SLX4: variants seen among roughly 807,000 people sequenced by gnomAD.
The protein encoded by SLX4 is SLX4 structure-specific endonuclease subunit.
SLX4 carries 112 observed loss-of-function variants against 146.2 expected under a neutral mutation model. The observed-to-expected ratio is 0.77, with a 90% CI of 0.66 to 0.90. The LOEUF is 0.90. Ranked by LOEUF, SLX4 falls within the 40% of genes least tolerant of loss-of-function variation. The pLI is 0.00. For synonymous variants in SLX4, 1,061 were observed against 997.7 expected, an observed-to-expected ratio of 1.06 and a Z score of -1.20; for missense variants, 2,563 against 2,392.7, an observed-to-expected ratio of 1.07 and a Z score of -1.49.
intron 3 of SLX4, among the ~76,000 whole-genome samples, chr16:3,605,468 C>A (rs2040771935): frequency 1.3e-5 from 2 of 152,076 alleles, no homozygotes; most frequent in African/African-American, 4.8e-5. Context: ...AGTAGTCCTC[C>A]TGCCTTGGCC....
Position 3,589,297 on chromosome 16 carries a change from G to A in SLX4, c.4341C>T (p.Gly1447=), listed in dbSNP as rs1252866739. Residue 1447 remains glycine (G), a synonymous_variant, in exon 12 of 15, where the codon GGC becomes GGT. Coordinates refer to ENST00000294008, the MANE Select transcript of SLX4 (RefSeq NM_032444.4). This position sits in a 1 kb window ranked among gnomAD's most constrained non-coding sequence, Gnocchi z 6.2. Reference sequence around the variant, plus strand: ...GGCTGGGGCTGCTGGTGCTCAGGGGGCCGGTCCGCTCCAGGTTCCAGTGGT... The same window carrying A: ...GGCTGGGGCTGCTGGTGCTCAGGGGACCGGTCCGCTCCAGGTTCCAGTGGT... ...PIDHWNLERT[G]PLSTSSPSRR... is the part of the protein sequence containing the mutation. The A allele has an allele frequency of 6.3e-7, 1 of 1,586,580 alleles. No homozygotes were observed. Among genetic ancestry groups the A allele is most frequent in the East Asian group, 2.2e-5 (1 of 44,604 alleles).
chr16:3,589,112 G>A lies in SLX4; in HGVS notation c.4526C>T (p.Ala1509Val). ...TTCCCCGTCCCAAACGTCCCACAGA[G>A]CCGAATTCAGAAAGCTCGGCCTGCT... Reference protein sequence around the residue: ...GNSRPSFLNSALWDVWDGEEQ... With the variant: ...GNSRPSFLNSVLWDVWDGEEQ... The change falls in exon 12 of 15, where the codon GCT (alanine) becomes GTT (valine). Residue 1509 changes from alanine to valine, a missense_variant. Physicochemically the swap from Ala to Val is moderately conservative, Grantham distance 64 (BLOSUM62 0). Transcript: ENST00000294008. The surrounding 1 kb of genome is among the most constrained non-coding windows in gnomAD (Gnocchi z 6.2). 3 of 1,614,146 alleles carry A rather than the reference G, an allele frequency of 1.9e-6. No homozygotes were observed. The highest frequency in any genetic ancestry group is 1.7e-6 in the Non-Finnish European group (2 of 1,180,042).
Position 3,582,400 on chromosome 16 carries a change from T to TCCCTG in SLX4, c.5442_5446dup (p.Glu1816AlafsTer69). 6.2e-7 allele frequency: 1 copy of TCCCTG among 1,613,896 alleles called. No homozygotes were observed. The highest frequency in any genetic ancestry group is 8.5e-7 in the Non-Finnish European group (1 of 1,180,034). ...CTGCCGCCTCCTGCCCTGGAGCTTC[T>TCCCTG]CCCTGCGGGTGGCGGCAGTGGTGAA... On this transcript the variant is annotated frameshift_variant, in exon 15 of 15. Transcript: ENST00000294008. LOFTEE classifies it low-confidence loss of function (END_TRUNC).
chr16:3,590,105 T>G lies in SLX4; in HGVS notation c.3533A>C (p.Glu1178Ala). The change falls in exon 12 of 15, where the codon GAA becomes GCA. Residue 1178 changes from glutamate (E) to alanine (A), a missense_variant. Transcript: ENST00000294008. The surrounding 1 kb of genome is among the most constrained non-coding windows in gnomAD (Gnocchi z 4.8). ...MKSISSDPLE[E>A]KKALEISPRS... ...AGGGCTAATTTCTAGAGCTTTCTTT[T>G]CTTCCAGAGGATCACTAGAAATGGA... 6.2e-7 allele frequency: 1 copy of G among 1,614,224 alleles called. No homozygotes were observed. Among genetic ancestry groups the G allele is most frequent in the Non-Finnish European group, 8.5e-7 (1 of 1,180,052 alleles).
chr16:3,610,611 A>G (rs188816780), intron 1 of SLX4, among the ~76,000 whole-genome samples: 206 of 152,346 alleles, frequency 1.4e-3, no homozygotes, highest in Non-Finnish European at 2.3e-3. Flanking sequence ...TCACAGTGGC[A>G]GGGCTGGGAT....
At chr16:3,603,312 G>C (rs1166503716) in intron 3 of SLX4, among the ~76,000 whole-genome samples, 2 of 152,210 alleles carry the variant, frequency 1.3e-5, no homozygotes, top group East Asian at 3.8e-4. Flanking sequence ...CCAAAGTGCT[G>C]GGATTACAGG....
rs1344092780 is a variant in SLX4 at position 3,590,479 on chromosome 16, C to T, written c.3159G>A (p.Gly1053=). The change falls in exon 12 of 15, where the codon GGG becomes GGA. Residue 1053 remains glycine (G), a synonymous_variant. Coordinates refer to ENST00000294008, the MANE Select transcript of SLX4 (RefSeq NM_032444.4). This position sits in a 1 kb window ranked among gnomAD's most constrained non-coding sequence, Gnocchi z 4.8. ...GSPRGSHHTS[G]SSLSTPRSRG... Reference sequence around the variant, plus strand: ...GGGACCGGGGTGTTGACAGGGACGACCCACTTGTGTGATGAGACCCGCGGG... The same window carrying T: ...GGGACCGGGGTGTTGACAGGGACGATCCACTTGTGTGATGAGACCCGCGGG... 1 of 1,614,098 alleles carries T rather than the reference C, an allele frequency of 6.2e-7. No individual in the cohort carries two copies.
At position 3,590,533 on chromosome 16, in the gene SLX4, G is replaced by A. The variant is rs1313995893; in HGVS notation, c.3105C>T (p.Phe1035=). 20 of 1,612,958 alleles carry A rather than the reference G, an allele frequency of 1.2e-5. No individual in the cohort carries two copies. Among genetic ancestry groups the A allele is most frequent in the Non-Finnish European group, 1.5e-5 (18 of 1,179,020 alleles). The change falls in exon 12 of 15, where the codon TTC becomes TTT. Residue 1035 remains phenylalanine, a synonymous_variant. Coordinates refer to ENST00000294008, the MANE Select transcript of SLX4 (RefSeq NM_032444.4). The surrounding 1 kb of genome is among the most constrained non-coding windows in gnomAD (Gnocchi z 4.8). Reference sequence around the variant, plus strand: ...TCCCGCCCTGGGGAGGCCCCAATAGGAAGCGGCACGGGTGCGGTGGAGATG... The same window carrying A: ...TCCCGCCCTGGGGAGGCCCCAATAGAAAGCGGCACGGGTGCGGTGGAGATG... ...WQASPPHPCR[F]LLGPPQGGSP... is the part of the protein sequence containing the mutation.
rs1567165773 is a variant in SLX4 at position 3,582,454 on chromosome 16, A to T, written c.5393T>A (p.Leu1798Ter). Residue 1798 changes from leucine (L) to a stop codon, truncating the protein, a stop_gained, in exon 15 of 15, where the codon TTG (leucine) becomes TAG (stop). Coordinates refer to ENST00000294008, the MANE Select transcript of SLX4 (RefSeq NM_032444.4). LOFTEE classifies it low-confidence loss of function (END_TRUNC). ...NGLRVSSRRL[L>*]DFLDTHCITF... ...GATACAGTGGGTGTCCAGGAAGTCCAACAGCCTGCGCGAGGACACACGGAG... is the reference window on the plus strand; with the variant it reads ...GATACAGTGGGTGTCCAGGAAGTCCTACAGCCTGCGCGAGGACACACGGAG... 1 of 1,613,970 alleles carries T rather than the reference A, an allele frequency of 6.2e-7. No homozygotes were observed. Among genetic ancestry groups the T allele is most frequent in the Non-Finnish European group, 8.5e-7 (1 of 1,180,032 alleles).
At chr16:3,603,911 C>T (rs1025659289) in intron 3 of SLX4, among the ~76,000 whole-genome samples, 1 of 152,162 alleles carries the variant, frequency 6.6e-6, no homozygotes, top group Non-Finnish European at 1.5e-5. Flanking sequence ...TCTTATAATA[C>T]AATTAGCCTA....
Position 3,602,161 on chromosome 16 carries a change from G to A in SLX4, c.907C>T (p.Leu303Phe), listed in dbSNP as rs754162959. The change falls in exon 4 of 15, where the codon CTC (leucine) becomes TTC (phenylalanine). Residue 303 changes from leucine to phenylalanine, a missense_variant. Transcript: ENST00000294008. Reference sequence around the variant, plus strand: ...CTTCGGGTCACGTTCATGGCTGAGAGGTTCTTTTGACAAATCTGGCAGAAG... The same window carrying A: ...CTTCGGGTCACGTTCATGGCTGAGAAGTTCTTTTGACAAATCTGGCAGAAG... Reference protein sequence around the residue: ...LFFCQICQKNLSAMNVTRREQ... With the variant: ...LFFCQICQKNFSAMNVTRREQ... The A allele has an allele frequency of 1.9e-6, 3 of 1,614,080 alleles. No homozygotes were observed. Among genetic ancestry groups the A allele is most frequent in the Non-Finnish European group, 2.5e-6 (3 of 1,180,014 alleles).
intron 11 of SLX4, among the ~76,000 whole-genome samples, chr16:3,591,878 T>G (rs1254072320): frequency 6.6e-6 from 1 of 151,886 alleles, no homozygotes; most frequent in Non-Finnish European, 1.5e-5. Context: ...AAAAAGGTCA[T>G]GCATGGTGGC....
In SLX4 at chr16:3,597,751, A is replaced by G; in HGVS notation, c.1366+46T>C. The G allele has an allele frequency of 1.1e-5, 18 of 1,614,000 alleles. No homozygotes were observed. The highest frequency in any genetic ancestry group is 1.5e-5 in the Non-Finnish European group (18 of 1,179,938). ...GGTGGAGTCGGTCCACTCACCCGGG[A>G]CCTGCTGATGGCCTCTCCCAGGGTC... On this transcript the variant is annotated intron_variant, in intron 6 of 14. Coordinates refer to ENST00000294008, the MANE Select transcript of SLX4 (RefSeq NM_032444.4). The surrounding 1 kb of genome is among the most constrained non-coding windows in gnomAD (Gnocchi z 4.4).
chr16:3,582,615 C>G lies in SLX4; in HGVS notation c.5232G>C (p.Gln1744His). The G allele has an allele frequency of 6.2e-7, 1 of 1,613,650 alleles. No homozygotes were observed. Among genetic ancestry groups the G allele is most frequent in the Non-Finnish European group, 8.5e-7 (1 of 1,180,044 alleles). The change falls in exon 15 of 15, where the codon CAG (glutamine) becomes CAC (histidine). Residue 1744 changes from glutamine (Q) to histidine (H), a missense_variant. Gln to His is a conservative substitution (Grantham distance 24). Transcript: ENST00000294008. ...CTGTGTCCGCCGCCTGCACGGCTGC[C>G]TGCGAGGCACTGACCTCCCCCTCGC... ...EEGEGEVSASQAAVQAADTDE... is the reference protein window; with the variant it reads ...EEGEGEVSASHAAVQAADTDE...
intron 12 of SLX4, among the ~76,000 whole-genome samples, chr16:3,588,432 A>G (rs114122704): frequency 6.6e-6 from 1 of 152,158 alleles, no homozygotes; most frequent in Non-Finnish European, 1.5e-5. Context: ...GCTGAACACT[A>G]TTCCATTTTC....
In SLX4 at chr16:3,597,755, G is replaced by C. The variant is rs1481252753; in HGVS notation, c.1366+42C>G. 1 of 1,614,012 alleles carries C rather than the reference G, an allele frequency of 6.2e-7. No homozygotes were observed. Among genetic ancestry groups the C allele is most frequent in the African/African-American group, 1.3e-5 (1 of 75,024 alleles). ...GAGTCGGTCCACTCACCCGGGACCT[G>C]CTGATGGCCTCTCCCAGGGTCACTC... is the stretch of plus-strand genomic sequence containing the variant. On this transcript the variant is annotated intron_variant, in intron 6 of 14. Transcript: ENST00000294008. The surrounding 1 kb of genome is among the most constrained non-coding windows in gnomAD (Gnocchi z 4.4).
In SLX4 at chr16:3,590,262, G is replaced by A. The variant is rs2040567832; in HGVS notation, c.3376C>T (p.Leu1126=). Residue 1126 remains leucine (L), a synonymous_variant, in exon 12 of 15, where the codon CTA becomes TTA. Coordinates refer to ENST00000294008, the MANE Select transcript of SLX4 (RefSeq NM_032444.4). This position sits in a 1 kb window ranked among gnomAD's most constrained non-coding sequence, Gnocchi z 4.8. Reference sequence around the variant, plus strand: ...GAATGGTCAGGATTTGACTGGGTTAGGTCAATAGACGGAGATTTTTCTGGG... The same window carrying A: ...GAATGGTCAGGATTTGACTGGGTTAAGTCAATAGACGGAGATTTTTCTGGG... The part of the protein sequence containing the change: ...MFPEKSPSID[L]TQSNPDHSSS... The A allele has an allele frequency of 6.2e-7, 1 of 1,614,172 alleles. No homozygotes were observed. The highest frequency in any genetic ancestry group is 8.5e-7 in the Non-Finnish European group (1 of 1,180,038).
chr16:3,584,910 G>T (rs755406659), intron 12 of SLX4, 39 bp from the exon 13 acceptor site: 1 of 1,399,782 alleles, frequency 7.1e-7, no homozygotes, highest in South Asian at 1.2e-5. Flanking sequence ...TAGCATGAGG[G>T]ACACGGATTT....
Position 3,590,688 on chromosome 16 carries a change from C to G in SLX4, c.2950G>C (p.Glu984Gln), listed in dbSNP as rs750906921. Residue 984 changes from glutamate to glutamine, a missense_variant, in exon 12 of 15, where the codon GAA becomes CAA. Transcript: ENST00000294008. The surrounding 1 kb of genome is among the most constrained non-coding windows in gnomAD (Gnocchi z 4.8). The stretch of plus-strand genomic sequence containing the variant: ...CCCTGAGTTGATGAGAAGAGCTGTT[C>G]GTAATCCCCGGCATCATCTGAGTGC... ...LPHSDDAGDY[E>Q]QLFSSTQGEI... 6.2e-7 allele frequency: 1 copy of G among 1,614,066 alleles called. No homozygotes were observed. Among genetic ancestry groups the G allele is most frequent in the African/African-American group, 1.3e-5 (1 of 74,944 alleles).
Sources: gnomAD v4.1 joint callset for allele counts (sites outside exome capture counted in the v4.1 genomes callset) on GRCh38, gnomAD v4.1.1 for gene constraint, Gnocchi (gnomAD v3.1) non-coding constraint, MANE v1.5 for transcripts, NCBI Gene and HGNC (gene_info 2026-07-23, HGNC 2026-07-21) for gene names.